Variants in PNO1 observed in about 807,000 individuals in gnomAD.
PNO1 encodes RNA-binding protein PNO1.
PNO1 carries 16 observed loss-of-function variants against 28.4 expected under a neutral mutation model. That is an observed-to-expected ratio of 0.56 (90% CI 0.38 to 0.85). PNO1 has a LOEUF of 0.85. Among genes scored for constraint, PNO1 ranks in the 40% least tolerant of loss-of-function variants. PNO1 has a pLI of 0.00. For missense variants in PNO1, 304 were observed against 312.2 expected (o/e 0.97, Z 0.20); for synonymous variants, 115 against 110.8 (o/e 1.04, Z -0.24).
rs561719871 is a variant in PNO1, at chr2:68,173,321, A to G, written c.621-26A>G. 28 of 1,440,134 alleles carry G rather than the reference A, an allele frequency of 1.9e-5. 1 individual carries two copies. In the South Asian group the frequency reaches 2.8e-4, roughly 14 times the overall value. The allele number at this position is 1,440,134 out of a possible 1,614,324, so 89.2% of individuals were successfully genotyped here. ...TGTGAGTCATTGCATCCCAGCCACT[A>G]ATTTGTCTCATTTTATTTCTTTCAG... On this transcript the variant is annotated intron_variant, in intron 5 of 6. Transcript: ENST00000263657.
intron 5 of PNO1, 86 bp downstream of exon 5, chr2:68,162,749 C>T (rs1250325718): frequency 2.6e-5 from 22 of 848,666 alleles, no homozygotes; most frequent in Non-Finnish European, 4.2e-5. Flanking sequence ...GTATTTTATG[C>T]ATAATGTTGC....
At chr2:68,158,788 A>G (rs923894040) in intron 2 of PNO1, among the ~76,000 whole-genome samples, 1 of 152,208 alleles carries the variant, frequency 6.6e-6, no homozygotes, top group Non-Finnish European at 1.5e-5. Context: ...ATAATGTTCT[A>G]TGTCAAATTG....
intron 5 of PNO1, among the ~76,000 whole-genome samples, chr2:68,165,307 T>C (rs1402955279): frequency 7.2e-6 from 1 of 138,352 alleles, no homozygotes; most frequent in Non-Finnish European, 1.5e-5. Flanking sequence ...GAGCTTGCAG[T>C]GAGCCGAGAT....
rs760712377 is a variant in PNO1 at position 68,158,157 on chromosome 2, C to T, written c.207+16C>T. 1.2e-5 allele frequency: 19 copies of T among 1,570,126 alleles called. No homozygotes were observed. Among genetic ancestry groups the T allele is most frequent in the Non-Finnish European group, 1.6e-5 (18 of 1,157,710 alleles). ...CGGGCTCCTGGTATGTGGCTGGGAC[C>T]CTAGGACAGCAACGAGGCAAGGGCC... is the stretch of plus-strand genomic sequence containing the variant. On this transcript the variant is annotated intron_variant, in intron 1 of 6. Transcript: ENST00000263657.
chr2:68,173,955 TAA>T (rs1048295158), intron 6 of PNO1, among the ~76,000 whole-genome samples: 4 of 152,212 alleles, frequency 2.6e-5, no homozygotes, highest in Non-Finnish European at 5.9e-5. Flanking sequence ...TAATATTGCT[TAA>T]ATCTTTGCTG....
In PNO1 at chr2:68,161,210, A is replaced by G. The variant is rs1419581422; in HGVS notation, c.358-473A>G. On this transcript the variant is annotated intron_variant, in intron 2 of 6. Coordinates refer to ENST00000263657, the MANE Select transcript of PNO1 (RefSeq NM_020143.4). ...GCTTCATTCATTCTTTATTTCCCCAATCAGTGCATGCAGGTAGTTAGGCCT... is the reference window on the plus strand; with the variant it reads ...GCTTCATTCATTCTTTATTTCCCCAGTCAGTGCATGCAGGTAGTTAGGCCT... 8.5e-6 allele frequency: 4 copies of G among 471,184 alleles called. 1 individual carries two copies. Among genetic ancestry groups the G allele is most frequent in the South Asian group, 4.6e-5 (3 of 64,558 alleles). The allele number at this position is 471,184 out of a possible 1,614,324, so 29.2% of individuals were successfully genotyped here.
At chr2:68,169,914 GT>G (rs1674084182) in intron 5 of PNO1, among the ~76,000 whole-genome samples, 1 of 152,164 alleles carries the variant, frequency 6.6e-6, no homozygotes, top group Admixed American at 6.5e-5. Flanking sequence ...AAAGTCAGCT[GT>G]ATTACATCTT....
At chr2:68,161,167 T>C (rs1157919386) in intron 2 of PNO1, 2 of 467,602 alleles carry the variant, frequency 4.3e-6, no homozygotes, top group African/African-American at 4.0e-5. Flanking sequence ...TCAAATAAAC[T>C]TTGAGGACAG....
At chr2:68,165,902 T>C (rs1246733043) in intron 5 of PNO1, among the ~76,000 whole-genome samples, 2 of 152,190 alleles carry the variant, frequency 1.3e-5, no homozygotes, top group Admixed American at 1.3e-4. Flanking sequence ...TTGGCAAATG[T>C]ATATTGTAGT....
In PNO1 at chr2:68,174,880, G is replaced by T. The variant is rs1060842; in HGVS notation, c.*78G>T. The T allele has an allele frequency of 0.69, 579,173 of 834,732 alleles. 204,963 individuals carry two copies. Among genetic ancestry groups the T allele is most frequent in the African/African-American group, 0.93 (55,579 of 59,520 alleles). 51.7% of individuals were successfully genotyped at this position (834,732 alleles called of 1,614,324 possible). ...TACAGTGGTCGGTCACAAGAAACCA[G>T]CTGAACAATTTCAGTCATTTGAAGC... On this transcript the variant is annotated 3_prime_UTR_variant, in exon 7 of 7. Coordinates refer to ENST00000263657, the MANE Select transcript of PNO1 (RefSeq NM_020143.4).
chr2:68,161,224 G>A (rs1358384854), intron 2 of PNO1: 11 of 471,160 alleles, frequency 2.3e-5, no homozygotes, highest in South Asian at 1.7e-4. Context: ...GTGCATGCAG[G>A]TAGTTAGGCC....
chr2:68,161,489 G>T (rs1307969576), intron 2 of PNO1, 194 bp from the exon 3 acceptor site: 2 of 561,436 alleles, frequency 3.6e-6, no homozygotes, highest in Non-Finnish European at 6.5e-6. Context: ...AAGCTTTGGA[G>T]CTGGGAACGT....
At position 68,162,319 on chromosome 2, in the gene PNO1, A is replaced by G. The variant is rs1336994166; in HGVS notation, c.496A>G (p.Thr166Ala). 3 of 1,608,922 alleles carry G rather than the reference A, an allele frequency of 1.9e-6. No individual in the cohort carries two copies. Among genetic ancestry groups the G allele is most frequent in the African/African-American group, 2.7e-5 (2 of 74,752 alleles). The change falls in exon 4 of 7, where the codon ACA becomes GCA. Residue 166 changes from threonine (T) to alanine (A), a missense_variant. Physicochemically the swap from Thr to Ala is moderately conservative, Grantham distance 58. Transcript: ENST00000263657. ...DDLFLESFEI[T>A]DVKPLKGDHL... ...CCTCTTCCTAGAGTCTTTTGAAATT[A>G]CAGATGGTGAGTGTGTGTTGGTCTG... is the stretch of plus-strand genomic sequence containing the variant.
chr2:68,173,724 A>G (rs148411440), intron 6 of PNO1, among the ~76,000 whole-genome samples: 2,011 of 151,986 alleles, frequency 0.013, 39 homozygotes, highest in African/African-American at 0.046. Flanking sequence ...CTGAGACTAA[A>G]GACGCCTGCC....
intron 5 of PNO1, among the ~76,000 whole-genome samples, chr2:68,164,254 C>G (rs997499525): frequency 2.0e-5 from 3 of 152,142 alleles, no homozygotes; most frequent in Non-Finnish European, 4.4e-5. Flanking sequence ...CTTTGGAAGG[C>G]TGAGGCAGGT....
intron 5 of PNO1, among the ~76,000 whole-genome samples, chr2:68,165,183 T>A (rs1673944984): frequency 6.6e-6 from 1 of 150,860 alleles, no homozygotes; most frequent in Admixed American, 6.6e-5. Context: ...GCTAAAACGG[T>A]GAAACCCTGT....
At chr2:68,161,905 C>T (rs754805395) in intron 3 of PNO1, 139 bp downstream of exon 3, 7 of 633,394 alleles carry the variant, frequency 1.1e-5, no homozygotes, top group Middle Eastern at 2.8e-4. Context: ...GAGGCTGAGG[C>T]AGGTGGATCA....
At chr2:68,174,605 G>A in intron 6 of PNO1, 130 bp from the exon 7 acceptor site, 2 of 576,262 alleles carry the variant, frequency 3.5e-6, no homozygotes, top group South Asian at 4.8e-5. Flanking sequence ...TTATGTAAGA[G>A]ACTTGAGCAT....
At chr2:68,168,727 T>G (rs1395254338) in intron 5 of PNO1, among the ~76,000 whole-genome samples, 1 of 152,278 alleles carries the variant, frequency 6.6e-6, no homozygotes, top group South Asian at 2.1e-4. Flanking sequence ...TATTTTTATT[T>G]TATAAGATAA....
Sources: allele counts gnomAD v4.1 joint callset (sites outside exome capture counted in the v4.1 genomes callset), GRCh38; gene constraint gnomAD v4.1.1; transcripts MANE v1.5; gene names NCBI Gene and HGNC (gene_info 2026-07-23, HGNC 2026-07-21).